AHR: variants seen among roughly 807,000 people sequenced by gnomAD.
The protein encoded by AHR is aryl hydrocarbon receptor.
Under a neutral mutation model 86.8 loss-of-function variants are expected in AHR, and 40 were observed. The ratio of observed to expected loss-of-function variants is 0.46; its 90% CI spans 0.36 to 0.60. The LOEUF (loss-of-function observed/expected upper bound fraction) is 0.60, where lower values mean the gene tolerates loss of function less well. AHR is among the 20% of genes least tolerant of loss of function. The pLI, the probability that AHR is intolerant of heterozygous loss-of-function variation, is 0.00. For missense variants in AHR, 1,001 were observed against 1,011.6 expected (o/e 0.99, Z 0.14); for synonymous variants, 398 against 354.9 (o/e 1.12, Z -1.37).
At chr7:17,318,397 G>A (rs926072876) in intron 2 of AHR, among the ~76,000 whole-genome samples, 1 of 152,084 alleles carries the variant, frequency 6.6e-6, no homozygotes, top group East Asian at 1.9e-4. Context: ...ATTTGATAAT[G>A]CTGTGATGTA....
At chr7:17,308,375 C>T (rs916593770) in intron 1 of AHR, among the ~76,000 whole-genome samples, 3 of 152,088 alleles carry the variant, frequency 2.0e-5, no homozygotes, top group Non-Finnish European at 4.4e-5. Context: ...GTTGCTGCTT[C>T]TGCTTAGCTC....
At chr7:17,341,051 T>C (rs2115371002) in intron 10 of AHR, among the ~76,000 whole-genome samples, 1 of 152,320 alleles carries the variant, frequency 6.6e-6, no homozygotes, top group Non-Finnish European at 1.5e-5. Context: ...TTTGCATTTA[T>C]GCTTTTTCCA....
chr7:17,338,965 C>A, intron 9 of AHR, 21 bp from the exon 10 acceptor site: 1 of 1,516,440 alleles, frequency 6.6e-7, no homozygotes, highest in Non-Finnish European at 8.8e-7. Flanking sequence ...TTTTCTAAGA[C>A]TTTTTTGTAC....
At chr7:17,332,784 A>T (rs1467423238) in intron 6 of AHR, among the ~76,000 whole-genome samples, 2 of 151,828 alleles carry the variant, frequency 1.3e-5, no homozygotes, top group Non-Finnish European at 2.9e-5. Context: ...ATTTTTTATA[A>T]ATTCAGCGTA....
At chr7:17,342,872 T>C (rs772035671) in intron 10 of AHR, 49 bp from the exon 11 acceptor site, 2 of 1,565,436 alleles carry the variant, frequency 1.3e-6, no homozygotes, top group Non-Finnish European at 1.7e-6. Flanking sequence ...TGGCTTAAGA[T>C]ACTTGGAAGA....
chr7:17,299,020 CCCT>C lies in AHR; in HGVS notation c.-243_-241del. 1 of 471,984 alleles carries C rather than the reference CCCT, an allele frequency of 2.1e-6. No homozygotes were observed. The highest frequency in any genetic ancestry group is 3.7e-6 in the Non-Finnish European group (1 of 273,140). The allele number at this position is 471,984 out of a possible 1,614,324, so 29.2% of individuals were successfully genotyped here. On this transcript the variant is annotated 5_prime_UTR_variant, in exon 1 of 11. Transcript: ENST00000242057. ...CGCCGCCTTGCTCGCGGGTCTCCGC[CCCT>C]CGCCCACCCTCACTGCGCCAGGCCC... is the stretch of plus-strand genomic sequence containing the variant.
intron 9 of AHR, among the ~76,000 whole-genome samples, chr7:17,338,137 T>TGCA (rs957705612): frequency 1.3e-5 from 2 of 148,404 alleles, no homozygotes; most frequent in South Asian, 2.1e-4. Flanking sequence ...AGGCGGAGCT[T>TGCA]GCAGTGAGCC....
chr7:17,302,216 T>C (rs1440957724), intron 1 of AHR, among the ~76,000 whole-genome samples: 1 of 152,046 alleles, frequency 6.6e-6, no homozygotes, highest in Non-Finnish European at 1.5e-5. Context: ...AAAGGGGATC[T>C]ACACTTTAAA....
chr7:17,317,714 G>C (rs1332055730), intron 2 of AHR, among the ~76,000 whole-genome samples: 2 of 152,104 alleles, frequency 1.3e-5, no homozygotes, highest in Non-Finnish European at 2.9e-5. Context: ...TTCTAGAGGT[G>C]TGGCTAAGCA....
At chr7:17,313,052 G>A (rs920156296) in intron 2 of AHR, among the ~76,000 whole-genome samples, 1 of 152,044 alleles carries the variant, frequency 6.6e-6, no homozygotes, top group South Asian at 2.1e-4. Flanking sequence ...GTGTTATAGT[G>A]GTGTACATTC....
At chr7:17,329,905 T>C (rs781143914) in intron 4 of AHR, 47 bp from the exon 5 acceptor site, 2 of 1,539,156 alleles carry the variant, frequency 1.3e-6, no homozygotes, top group African/African-American at 2.8e-5. Context: ...TTAGCCATAT[T>C]TTTTAATCAG....
At chr7:17,299,439 A>C in intron 1 of AHR, 110 bp downstream of exon 1, 1 of 1,272,522 alleles carries the variant, frequency 7.9e-7, no homozygotes, top group South Asian at 1.4e-5. Context: ...GATTAGGTCC[A>C]TTCCCGGCAC....
intron 3 of AHR, among the ~76,000 whole-genome samples, chr7:17,323,982 C>T (rs1015351964): frequency 1.3e-5 from 2 of 152,124 alleles, no homozygotes; most frequent in African/African-American, 2.4e-5. Context: ...TACTGATTGA[C>T]GTAACACTTG....
intron 1 of AHR, among the ~76,000 whole-genome samples, chr7:17,301,347 G>T (rs1284000836): frequency 6.6e-6 from 1 of 151,956 alleles, no homozygotes; most frequent in Non-Finnish European, 1.5e-5. Flanking sequence ...ATTAAACCTA[G>T]TATTAAATTT....
chr7:17,342,174 C>G (rs539352929), intron 10 of AHR, among the ~76,000 whole-genome samples: 1 of 152,084 alleles, frequency 6.6e-6, no homozygotes, highest in Non-Finnish European at 1.5e-5. Context: ...GTTTCCAGAA[C>G]GTCCACTAAC....
Position 17,330,766 on chromosome 7 carries a change from T to C in AHR, c.585T>C (p.Gly195=). ...ESGQGIEEAT[G]LPQTVVCYNP... ...CCTTTATTTCTACAGAAGCCACTGG[T>C]CTCCCCCAGACAGTAGTCTGTTATA... Residue 195 remains glycine (G), a synonymous_variant, in exon 6 of 11, where the codon GGT becomes GGC. Transcript: ENST00000242057. 2 of 1,578,856 alleles carry C rather than the reference T, an allele frequency of 1.3e-6. No homozygotes were observed. Among genetic ancestry groups the C allele is most frequent in the Non-Finnish European group, 1.7e-6 (2 of 1,161,518 alleles).
intron 3 of AHR, among the ~76,000 whole-genome samples, chr7:17,327,442 AATGATGT>A (rs1480390372): frequency 1.3e-5 from 2 of 151,976 alleles, no homozygotes; most frequent in African/African-American, 4.8e-5. Flanking sequence ...GACTATAGTG[AATGATGT>A]CTAGTTTGTT....
Position 17,334,964 on chromosome 7 carries a change from A to G in AHR, c.986A>G (p.Asp329Gly). The change falls in exon 8 of 11, where the codon GAT becomes GGT. Residue 329 changes from aspartate (D) to glycine (G), a missense_variant. Asp to Gly is a moderately conservative substitution (Grantham distance 94, BLOSUM62 -1). This residue lies in a region of AHR where 394 missense variants were observed against 468.5 expected (regional missense o/e 0.84). Transcript: ENST00000242057. ...GSGYQFIHAA[D>G]MLYCAESHIR... ...GGTTATCAGTTTATTCATGCAGCTG[A>G]TATGCTTTATTGTGCCGAGTCCCAT... The G allele has an allele frequency of 6.2e-7, 1 of 1,613,256 alleles. No homozygotes were observed. The highest frequency in any genetic ancestry group is 8.5e-7 in the Non-Finnish European group (1 of 1,179,414).
Position 17,344,389 on chromosome 7 carries a change from T to C in AHR, c.*1325T>C, listed in dbSNP as rs1782459642. Reference sequence around the variant, plus strand: ...TTTTAAAAAGTCCATACCTTATATATGCACTTAATTTGTTGGGGCTTTACA... The same window carrying C: ...TTTTAAAAAGTCCATACCTTATATACGCACTTAATTTGTTGGGGCTTTACA... On this transcript the variant is annotated 3_prime_UTR_variant, in exon 11 of 11. Transcript: ENST00000242057. 6.5e-6 allele frequency: 1 copy of C among 152,772 alleles called. No homozygotes were observed. Among genetic ancestry groups the C allele is most frequent in the Non-Finnish European group, 1.5e-5 (1 of 68,032 alleles). The allele number at this position is 152,772 out of a possible 1,614,324, so 9.5% of individuals were successfully genotyped here.
Sources: allele counts gnomAD v4.1 joint callset (sites outside exome capture counted in the v4.1 genomes callset), GRCh38; gene constraint gnomAD v4.1.1; regional missense constraint gnomAD v4.1.1; transcripts MANE v1.5; gene names NCBI Gene and HGNC (gene_info 2026-07-23, HGNC 2026-07-21).